Variants in RGS7 observed in about 807,000 individuals in gnomAD.
RGS7 encodes regulator of G protein signaling 7, also known as regulator of G-protein signaling 7.
In RGS7, 27 loss-of-function variants were observed where a neutral mutation model predicts 81.1. The ratio of observed to expected loss-of-function variants is 0.33; its 90% CI spans 0.25 to 0.46. The LOEUF (loss-of-function observed/expected upper bound fraction) is 0.46, where lower values mean the gene tolerates loss of function less well. Among genes scored for constraint, RGS7 ranks in the 20% least tolerant of loss-of-function variants. The pLI is 1.00. For synonymous variants in RGS7, 208 were observed against 207.7 expected, an observed-to-expected ratio of 1.00 and a Z score of -0.01; for missense variants, 396 against 607.4, an observed-to-expected ratio of 0.65 and a Z score of 3.66.
At chr1:241,102,190 A>C (rs1396066866) in intron 2 of RGS7, among the ~76,000 whole-genome samples, 1 of 152,240 alleles carries the variant, frequency 6.6e-6, no homozygotes, top group African/African-American at 2.4e-5. Flanking sequence ...GAATGAGACA[A>C]AAACAAACAA....
At chr1:241,115,782 CTGAG>C (rs757737786) in intron 2 of RGS7, among the ~76,000 whole-genome samples, 95 of 152,244 alleles carry the variant, frequency 6.2e-4, no homozygotes, top group Non-Finnish European at 9.9e-4. Flanking sequence ...AATCTGTGAA[CTGAG>C]TAAGTAGTCA....
rs1479399427 is a variant in RGS7 at position 241,144,964 on chromosome 1, T to TGTGTGTG, written c.79-46203_79-46202insCACACAC. On this transcript the variant is annotated intron_variant, in intron 2 of 18. Coordinates refer to ENST00000440928, the MANE Select transcript of RGS7 (RefSeq NM_001364886.1). The surrounding 1 kb of genome is among the most constrained non-coding windows in gnomAD (Gnocchi z 4.7). Reference sequence around the variant, plus strand: ...GTGTGTGTGTGTGTGTGTGTGTGTGTTCGTGTTCATTCTTCCTGTTCCTGT... The same window carrying TGTGTGTG: ...GTGTGTGTGTGTGTGTGTGTGTGTGTGTGTGTGTCGTGTTCATTCTTCCTGTTCCTGT... 2.8e-5 allele frequency among the ~76,000 whole-genome samples: 4 copies of TGTGTGTG among 144,404 alleles called. No individual in the cohort carries two copies. Among genetic ancestry groups the TGTGTGTG allele is most frequent in the African/African-American group, 1.1e-4 (4 of 36,820 alleles). The allele number at this position is 144,404 out of a possible 152,430, so 94.7% of individuals were successfully genotyped here.
At chr1:240,992,232 G>C (rs189924121) in intron 3 of RGS7, among the ~76,000 whole-genome samples, 2 of 152,180 alleles carry the variant, frequency 1.3e-5, no homozygotes, top group Non-Finnish European at 2.9e-5. Flanking sequence ...GGCCGGGCGC[G>C]TTGGCTCATG....
At chr1:240,995,382 G>A (rs919826249) in intron 3 of RGS7, among the ~76,000 whole-genome samples, 1 of 152,082 alleles carries the variant, frequency 6.6e-6, no homozygotes, top group Admixed American at 6.6e-5. Context: ...CTCCTCTTCT[G>A]TTTTCTGGAA....
At chr1:241,355,633 A>G in intron 2 of RGS7, 66 bp downstream of exon 2, 2 of 1,389,716 alleles carry the variant, frequency 1.4e-6, no homozygotes, top group Admixed American at 3.3e-5. Flanking sequence ...ACTCTGATCT[A>G]GAGGGGGAAA....
In RGS7 at chr1:240,868,709, G is replaced by T; in HGVS notation, c.528-41C>A. On this transcript the variant is annotated intron_variant, in intron 8 of 18. Coordinates refer to ENST00000440928, the MANE Select transcript of RGS7 (RefSeq NM_001364886.1). This position sits in a 1 kb window ranked among gnomAD's most constrained non-coding sequence, Gnocchi z 5.1. ...CAATAGATAACATTTAGTATTAATT[G>T]TAGTGCCTCTCTGAACAAAAAGGCC... is the stretch of plus-strand genomic sequence containing the variant. 6.2e-7 allele frequency: 1 copy of T among 1,609,932 alleles called. No homozygotes were observed. The highest frequency in any genetic ancestry group is 8.5e-7 in the Non-Finnish European group (1 of 1,176,278).
chr1:241,301,603 C>T (rs2079763714), intron 2 of RGS7, among the ~76,000 whole-genome samples: 1 of 152,178 alleles, frequency 6.6e-6, no homozygotes, highest in South Asian at 2.1e-4. Flanking sequence ...GCAAGTGTGC[C>T]ACAATTCAAA....
At chr1:240,811,861 C>G in intron 14 of RGS7, 57 bp downstream of exon 14, 1 of 1,447,586 alleles carries the variant, frequency 6.9e-7, no homozygotes, top group South Asian at 1.1e-5. Context: ...CCAAAATAAC[C>G]AGACACATCA....
At chr1:241,057,848 C>A (rs536216476) in intron 3 of RGS7, among the ~76,000 whole-genome samples, 3 of 152,040 alleles carry the variant, frequency 2.0e-5, no homozygotes, top group Admixed American at 6.6e-5. Flanking sequence ...GGCGACAAAG[C>A]GAGACTCTAT....
At chr1:241,014,264 C>T (rs2059113754) in intron 3 of RGS7, among the ~76,000 whole-genome samples, 1 of 152,176 alleles carries the variant, frequency 6.6e-6, no homozygotes, top group African/African-American at 2.4e-5. Flanking sequence ...ATGGTCGATT[C>T]TATAAAATCC....
intron 10 of RGS7, among the ~76,000 whole-genome samples, chr1:240,820,909 A>G (rs998858362): frequency 2.0e-5 from 3 of 152,200 alleles, no homozygotes; most frequent in Non-Finnish European, 4.4e-5. Context: ...CTGTGTTTCT[A>G]TGTGAAATGT....
intron 18 of RGS7, among the ~76,000 whole-genome samples, chr1:240,792,863 T>C (rs1686243412): frequency 6.6e-6 from 1 of 152,164 alleles, no homozygotes; most frequent in Admixed American, 6.5e-5. Flanking sequence ...TCAGAACAAA[T>C]TGCCTGGCCC....
At chr1:241,059,124 T>C (rs1365738244) in intron 3 of RGS7, among the ~76,000 whole-genome samples, 4 of 152,214 alleles carry the variant, frequency 2.6e-5, no homozygotes, top group Admixed American at 1.3e-4. Flanking sequence ...CTTCTCTCCA[T>C]CCACCTCTCA....
intron 2 of RGS7, among the ~76,000 whole-genome samples, chr1:241,113,057 G>T (rs6682238): frequency 0.078 from 11,937 of 152,138 alleles, 703 homozygotes; most frequent in African/African-American, 0.17. Flanking sequence ...AATGGTGGAC[G>T]AATTCATACA....
At chr1:240,817,090 G>A (rs1023609386) in intron 10 of RGS7, among the ~76,000 whole-genome samples, 2 of 152,150 alleles carry the variant, frequency 1.3e-5, no homozygotes, top group African/African-American at 4.8e-5. Flanking sequence ...TACTACTTAG[G>A]AAGACTCTTT....
intron 3 of RGS7, among the ~76,000 whole-genome samples, chr1:241,065,757 G>A (rs1464483736): frequency 6.6e-6 from 1 of 152,188 alleles, no homozygotes; most frequent in Non-Finnish European, 1.5e-5. Flanking sequence ...ATCCTCAAGA[G>A]GAAGAGCTAA....
chr1:240,848,727 A>C lies in RGS7; in HGVS notation c.609+19860T>G, dbSNP rs1489629493. Among the ~76,000 whole-genome samples, 34 of 152,162 alleles carry C rather than the reference A, an allele frequency of 2.2e-4. 1 individual carries two copies. The highest frequency in any genetic ancestry group is 1.7e-3 in the Admixed American group (26 of 15,276). On this transcript the variant is annotated intron_variant, in intron 9 of 18. Coordinates refer to ENST00000440928, the MANE Select transcript of RGS7 (RefSeq NM_001364886.1). ...CCTGAATAACACAGAAGTTGGTAAG[A>C]ACAAATGCTTAGGATGACTCAGCTT...
At chr1:240,847,253 TTGTG>T (rs1271083900) in intron 9 of RGS7, among the ~76,000 whole-genome samples, 1 of 152,208 alleles carries the variant, frequency 6.6e-6, no homozygotes, top group African/African-American at 2.4e-5. Context: ...TGAACAAGGG[TTGTG>T]TGCCAGGTAC....
intron 3 of RGS7, among the ~76,000 whole-genome samples, chr1:240,992,411 G>T (rs906122648): frequency 6.6e-6 from 1 of 152,102 alleles, no homozygotes; most frequent in East Asian, 1.9e-4. Context: ...AGCTGAGGCA[G>T]GAGAATCACT....
Sources: allele counts gnomAD v4.1 joint callset (sites outside exome capture counted in the v4.1 genomes callset), GRCh38; gene constraint gnomAD v4.1.1; non-coding constraint Gnocchi (gnomAD v3.1); transcripts MANE v1.5; gene names NCBI Gene and HGNC (gene_info 2026-07-23, HGNC 2026-07-21).